Variants in DENND11 observed in about 807,000 individuals in gnomAD.
DENND11 encodes the protein DENN domain containing 11, also known as DENN domain-containing protein 11.
Under a neutral mutation model 49.2 loss-of-function variants are expected in DENND11, and 34 were observed. The ratio of observed to expected loss-of-function variants is 0.69; its 90% CI spans 0.53 to 0.92. The LOEUF (loss-of-function observed/expected upper bound fraction) is 0.92, where lower values mean the gene tolerates loss of function less well. DENND11 is among the 40% of genes least tolerant of loss of function. DENND11 has a pLI of 0.00. For synonymous variants in DENND11, 238 were observed against 230.3 expected, an observed-to-expected ratio of 1.03 and a Z score of -0.30; for missense variants, 475 against 581.6, an observed-to-expected ratio of 0.82 and a Z score of 1.88.
intron 4 of DENND11, among the ~76,000 whole-genome samples, chr7:141,670,923 G>T (rs756128919): frequency 2.6e-5 from 4 of 152,168 alleles, no homozygotes; most frequent in Non-Finnish European, 4.4e-5. Flanking sequence ...GCAGATTTGG[G>T]TATCTGAGGG....
intron 4 of DENND11, among the ~76,000 whole-genome samples, chr7:141,673,762 A>AG (rs1562998189): frequency 1.3e-5 from 2 of 152,366 alleles, no homozygotes; most frequent in East Asian, 3.9e-4. Context: ...CTTCATCTTT[A>AG]GTTCAAATGT....
intron 8 of DENND11, 40 bp from the exon 9 acceptor site, chr7:141,662,891 G>GGGGGGCA (rs1797824886): frequency 2.1e-6 from 3 of 1,430,994 alleles, no homozygotes; most frequent in Admixed American, 2.5e-5. Flanking sequence ...GAAGCGGGGG[G>GGGGGGCA]GAATAAAAAG....
rs1361804885 is a variant in DENND11 at position 141,659,012 on chromosome 7, C to T, written c.*3644G>A. On this transcript the variant is annotated 3_prime_UTR_variant, in exon 9 of 9. Coordinates refer to ENST00000536163, the MANE Select transcript of DENND11 (RefSeq NM_001080392.2). ...CTAGCTAAAGTGTCATCGGTAGTCA[C>T]ATGATCAACAAATGTTCACATGTGG... 1 of 152,516 alleles carries T rather than the reference C, an allele frequency of 6.6e-6. No homozygotes were observed. The highest frequency in any genetic ancestry group is 2.4e-5 in the African/African-American group (1 of 41,468). The allele number at this position is 152,516 out of a possible 1,614,324, so 9.4% of individuals were successfully genotyped here.
chr7:141,665,915 T>C (rs1227897959), intron 5 of DENND11, among the ~76,000 whole-genome samples: 2 of 151,786 alleles, frequency 1.3e-5, no homozygotes, highest in African/African-American at 2.4e-5. Flanking sequence ...CCCCGGCTCC[T>C]CCTCCGTCCC....
At chr7:141,686,085 T>C (rs1037383685) in intron 2 of DENND11, among the ~76,000 whole-genome samples, 6 of 152,332 alleles carry the variant, frequency 3.9e-5, no homozygotes, top group African/African-American at 1.4e-4. Context: ...GTATCAATCA[T>C]GAATTAAGCC....
intron 3 of DENND11, among the ~76,000 whole-genome samples, chr7:141,675,132 T>C (rs1451619159): frequency 6.6e-6 from 1 of 152,136 alleles, no homozygotes; most frequent in Non-Finnish European, 1.5e-5. Flanking sequence ...GCTGTCCTTA[T>C]AGAAAGGGGA....
At position 141,686,678 on chromosome 7, in the gene DENND11, C is replaced by G; in HGVS notation, c.269-20G>C. The G allele has an allele frequency of 6.4e-7, 1 of 1,560,554 alleles. No homozygotes were observed. Among genetic ancestry groups the G allele is most frequent in the Non-Finnish European group, 8.8e-7 (1 of 1,135,884 alleles). ...TGTTTCCTGCAGGAAAAGGAAGATG[C>G]AAGTTAAAAGAAACAACATCATTCA... On this transcript the variant is annotated intron_variant, in intron 1 of 8. Transcript: ENST00000536163.
At chr7:141,676,840 G>A (rs1301496785) in intron 3 of DENND11, among the ~76,000 whole-genome samples, 2 of 152,142 alleles carry the variant, frequency 1.3e-5, no homozygotes, top group Non-Finnish European at 2.9e-5. Flanking sequence ...CGAAATGCAT[G>A]CCAAACCACC....
intron 3 of DENND11, among the ~76,000 whole-genome samples, chr7:141,675,414 C>G (rs1040895759): frequency 2.6e-5 from 4 of 152,250 alleles, no homozygotes; most frequent in Non-Finnish European, 5.9e-5. Flanking sequence ...TATGCAGCCC[C>G]GGAAAAGCCC....
rs1227505462 is a variant in DENND11 at position 141,657,896 on chromosome 7, C to G, written c.*4760G>C. The G allele has an allele frequency of 6.6e-6, 1 of 152,638 alleles. No individual in the cohort carries two copies. The highest frequency in any genetic ancestry group is 1.9e-4 in the East Asian group (1 of 5,190). 9.5% of individuals were successfully genotyped at this position (152,638 alleles called of 1,614,324 possible). A position where few individuals can be genotyped will look rare whatever the true frequency, so the allele number is the denominator to read the frequency against. On this transcript the variant is annotated 3_prime_UTR_variant, in exon 9 of 9. Coordinates refer to ENST00000536163, the MANE Select transcript of DENND11 (RefSeq NM_001080392.2). ...ATAACACTACCTCCCACTCCCACCT[C>G]TCTCAAGAAAGAGGCCTAAAAATAA...
intron 1 of DENND11, among the ~76,000 whole-genome samples, 186 bp from the exon 2 acceptor site, chr7:141,686,844 T>C (rs1052864321): frequency 6.6e-6 from 1 of 152,050 alleles, no homozygotes; most frequent in Non-Finnish European, 1.5e-5. Context: ...GACGTGGAGG[T>C]GGACACTAAA....
chr7:141,664,749 G>A (rs1797861033), intron 7 of DENND11, among the ~76,000 whole-genome samples, 155 bp downstream of exon 7: 1 of 152,186 alleles, frequency 6.6e-6, no homozygotes, highest in Non-Finnish European at 1.5e-5. Flanking sequence ...CTTCTACTGC[G>A]GGGCTTCCCT....
At chr7:141,666,145 G>A (rs1293267977) in intron 5 of DENND11, 142 bp downstream of exon 5, 3 of 795,880 alleles carry the variant, frequency 3.8e-6, no homozygotes, top group Non-Finnish European at 5.5e-6. Flanking sequence ...AGTGTTCACA[G>A]CCAATCAGTT....
rs182383229 is a variant in DENND11 at position 141,661,606 on chromosome 7, C to T, written c.*1050G>A. On this transcript the variant is annotated 3_prime_UTR_variant, in exon 9 of 9. Transcript: ENST00000536163. ...TGAGGGGTCCAAAATGATAAACCGT[C>T]TTGTTAGCATCATGCTCCACCCTCT... 6.6e-6 allele frequency: 1 copy of T among 152,358 alleles called. No individual in the cohort carries two copies. The highest frequency in any genetic ancestry group is 1.9e-4 in the East Asian group (1 of 5,184). 9.4% of individuals were successfully genotyped at this position (152,358 alleles called of 1,614,324 possible). A position where few individuals can be genotyped will look rare whatever the true frequency, so the allele number is the denominator to read the frequency against.
At chr7:141,668,350 G>A (rs551315915) in intron 4 of DENND11, among the ~76,000 whole-genome samples, 4 of 152,140 alleles carry the variant, frequency 2.6e-5, no homozygotes, top group African/African-American at 7.2e-5. Context: ...ACTTTGGGAG[G>A]CCGAGGTGGG....
At chr7:141,685,377 T>A (rs1798222140) in intron 3 of DENND11, 101 bp downstream of exon 3, 1 of 1,404,704 alleles carries the variant, frequency 7.1e-7, no homozygotes, top group African/African-American at 1.4e-5. Flanking sequence ...TGGAAAGACA[T>A]CTGCTGCTCT....
chr7:141,701,888 GA>G lies in DENND11; in HGVS notation c.265del (p.Ser89ArgfsTer5). On this transcript the variant is annotated frameshift_variant, in exon 1 of 9. Transcript: ENST00000536163. LOFTEE classifies it high-confidence loss of function. ...AVFVVTFDPR[S>X]GNMVEWCLPQ... ...CCTGGCCCCGGCGCGGCCCTCACCC[GA>G]GCGGGGGTCGAAGGTGACCACGAAC... The G allele has an allele frequency of 8.3e-7, 1 of 1,201,454 alleles. No homozygotes were observed. The highest frequency in any genetic ancestry group is 1.0e-6 in the Non-Finnish European group (1 of 969,278). The allele number at this position is 1,201,454 out of a possible 1,614,324, so 74.4% of individuals were successfully genotyped here.
rs1797708271 is a variant in DENND11, at chr7:141,657,138, T to A, written c.*5518A>T. ...TAAGGCGACAGGGAGGCTATGCTGA[T>A]TCTAACTCAGAAAGAAATGGGAAAA... On this transcript the variant is annotated 3_prime_UTR_variant, in exon 9 of 9. Coordinates refer to ENST00000536163, the MANE Select transcript of DENND11 (RefSeq NM_001080392.2). 1 of 152,672 alleles carries A rather than the reference T, an allele frequency of 6.5e-6. No homozygotes were observed. Among genetic ancestry groups the A allele is most frequent in the African/African-American group, 2.4e-5 (1 of 41,458 alleles). The allele number at this position is 152,672 out of a possible 1,614,324, so 9.5% of individuals were successfully genotyped here.
intron 1 of DENND11, among the ~76,000 whole-genome samples, chr7:141,687,050 T>C (rs1338774815): frequency 6.6e-6 from 1 of 152,206 alleles, no homozygotes; most frequent in East Asian, 1.9e-4. Context: ...ATTCTATCTA[T>C]AGCCACTAAT....
Sources: allele counts gnomAD v4.1 joint callset (sites outside exome capture counted in the v4.1 genomes callset), GRCh38; gene constraint gnomAD v4.1.1; transcripts MANE v1.5; gene names NCBI Gene and HGNC (gene_info 2026-07-23, HGNC 2026-07-21).